CNTN3: variants seen among roughly 807,000 people sequenced by gnomAD.
CNTN3 encodes contactin 3.
A neutral mutation model predicts 119.1 loss-of-function variants in CNTN3; 60 were observed. That is an observed-to-expected ratio of 0.50 (90% confidence interval 0.41 to 0.62). The LOEUF (loss-of-function observed/expected upper bound fraction) is 0.62. CNTN3 is among the 20% of genes least tolerant of loss of function. The probability of loss-of-function intolerance (pLI) is 0.00; values close to 1 mark genes in which losing one functional copy is unlikely to be tolerated. For missense variants in CNTN3, 1,101 were observed against 1,242.4 expected (o/e 0.89, Z 1.71); for synonymous variants, 450 against 438.7 (o/e 1.03, Z -0.32).
At chr3:74,421,010 T>C (rs1391039378) in intron 5 of CNTN3, among the ~76,000 whole-genome samples, 1 of 152,150 alleles carries the variant, frequency 6.6e-6, no homozygotes, top group East Asian at 1.9e-4. Flanking sequence ...CAGGCTCAGC[T>C]TCCAGACTCT....
In CNTN3 at chr3:74,500,571, G is replaced by A. The variant is rs77665562; in HGVS notation, c.56-786C>T. 6.2e-3 allele frequency among the ~76,000 whole-genome samples: 927 copies of A among 149,944 alleles called. 12 individuals are homozygous for A. Among genetic ancestry groups the A allele is most frequent in the African/African-American group, 0.021 (861 of 40,944 alleles). ...TGGAATGCTCAGCAAAATTACAGAG[G>A]AGTTTCTATTAACTCAGAGAATGAA... On this transcript the variant is annotated intron_variant, in intron 2 of 22. Coordinates refer to ENST00000263665, the MANE Select transcript of CNTN3 (RefSeq NM_020872.3).
Position 74,353,556 on chromosome 3 carries a change from A to G in CNTN3, c.1364+8334T>C, listed in dbSNP as rs371320743. Among the ~76,000 whole-genome samples, 10 of 152,276 alleles carry G rather than the reference A, an allele frequency of 6.6e-5. No homozygotes were observed. The Middle Eastern group carries it at 0.014, about 207-fold the overall frequency. On this transcript the variant is annotated intron_variant, in intron 11 of 22. Transcript: ENST00000263665. ...TGGATCACGAGGTCAGGAGATCGAG[A>G]CCATCCCGGCTAACACGGTGAAACC... is the stretch of plus-strand genomic sequence containing the variant.
intron 1 of CNTN3, among the ~76,000 whole-genome samples, chr3:74,559,617 GA>G (rs55881426): frequency 0.86 from 127,546 of 149,134 alleles, 55,251 homozygotes; most frequent in East Asian, 0.93. Flanking sequence ...AAAAAGAAAA[GA>G]AAAAAAAAAA....
intron 1 of CNTN3, among the ~76,000 whole-genome samples, chr3:74,576,296 TG>T (rs1039412096): frequency 6.6e-6 from 1 of 152,194 alleles, no homozygotes; most frequent in African/African-American, 2.4e-5. Context: ...CACAGTCCCC[TG>T]AACTTGAGCG....
intron 1 of CNTN3, among the ~76,000 whole-genome samples, chr3:74,589,751 T>C (rs933096416): frequency 2.0e-5 from 3 of 151,194 alleles, no homozygotes; most frequent in East Asian, 1.9e-4. Flanking sequence ...ATGTGGCACA[T>C]ATACACCATG....
chr3:74,595,885 A>G (rs573320349), intron 1 of CNTN3, among the ~76,000 whole-genome samples: 2 of 152,284 alleles, frequency 1.3e-5, no homozygotes, highest in South Asian at 2.1e-4. Context: ...AATTAGGAAA[A>G]GAGGAAGTCA....
intron 4 of CNTN3, among the ~76,000 whole-genome samples, chr3:74,458,828 T>C (rs1702315331): frequency 6.6e-6 from 1 of 152,006 alleles, no homozygotes; most frequent in African/African-American, 2.4e-5. Context: ...TGTTTACATA[T>C]AAAATTAAGA....
intron 13 of CNTN3, among the ~76,000 whole-genome samples, chr3:74,329,088 C>T (rs1385920176): frequency 6.6e-6 from 1 of 152,154 alleles, no homozygotes; most frequent in Non-Finnish European, 1.5e-5. Flanking sequence ...TTAGTCTTCA[C>T]ACACAAATAA....
At chr3:74,377,140 C>T (rs1245658364) in intron 5 of CNTN3, among the ~76,000 whole-genome samples, 1 of 151,950 alleles carries the variant, frequency 6.6e-6, no homozygotes, top group Non-Finnish European at 1.5e-5. Flanking sequence ...ATCAAATTTG[C>T]ATTGAATAGA....
At chr3:74,291,525 A>C (rs1484239618) in intron 19 of CNTN3, among the ~76,000 whole-genome samples, 1 of 152,046 alleles carries the variant, frequency 6.6e-6, no homozygotes, top group Admixed American at 6.6e-5. Flanking sequence ...CAACAGTGTA[A>C]AAGTGTTCCT....
At position 74,533,901 on chromosome 3, in the gene CNTN3, C is replaced by G. The variant is rs1703726970; in HGVS notation, c.-80-12709G>C. Among the ~76,000 whole-genome samples the G allele has an allele frequency of 2.6e-5, 4 of 152,082 alleles. No individual in the cohort carries two copies. The South Asian group carries it at 8.3e-4, about 32-fold the overall frequency. On this transcript the variant is annotated intron_variant, in intron 1 of 22. Coordinates refer to ENST00000263665, the MANE Select transcript of CNTN3 (RefSeq NM_020872.3). The stretch of plus-strand genomic sequence containing the variant: ...GAGGGATACAGATGAGCTACTGGCA[C>G]CTAGGGGTTAGGGTTTAGTGATACC...
At chr3:74,293,337 G>A (rs891365693) in intron 19 of CNTN3, among the ~76,000 whole-genome samples, 1 of 152,082 alleles carries the variant, frequency 6.6e-6, no homozygotes, top group East Asian at 1.9e-4. Context: ...TTGTTTGGTT[G>A]CAAGGAACAG....
intron 11 of CNTN3, among the ~76,000 whole-genome samples, chr3:74,338,579 T>C (rs1373294212): frequency 1.3e-5 from 2 of 151,990 alleles, no homozygotes; most frequent in Non-Finnish European, 1.5e-5. Flanking sequence ...CTGCCACCCA[T>C]CACTTTATAT....
intron 5 of CNTN3, among the ~76,000 whole-genome samples, chr3:74,375,579 G>C (rs1165754481): frequency 1.3e-5 from 2 of 152,108 alleles, no homozygotes; most frequent in Non-Finnish European, 2.9e-5. Context: ...TTATAAGAGA[G>C]AGGCAGGAGG....
intron 1 of CNTN3, among the ~76,000 whole-genome samples, chr3:74,576,973 A>G (rs1301205902): frequency 4.6e-5 from 7 of 152,270 alleles, no homozygotes; most frequent in East Asian, 3.9e-4. Context: ...TTCTAAGGAG[A>G]GGCAGCAGTG....
At chr3:74,566,310 T>G (rs555152160) in intron 1 of CNTN3, among the ~76,000 whole-genome samples, 1 of 152,164 alleles carries the variant, frequency 6.6e-6, no homozygotes, top group African/African-American at 2.4e-5. Flanking sequence ...CAGGCCACCT[T>G]CGCTTTGAAG....
At chr3:74,491,764 T>C (rs1290403037) in intron 3 of CNTN3, among the ~76,000 whole-genome samples, 2 of 152,316 alleles carry the variant, frequency 1.3e-5, no homozygotes, top group South Asian at 2.1e-4. Flanking sequence ...TGCATATTCA[T>C]AATTCTTTGT....
intron 5 of CNTN3, among the ~76,000 whole-genome samples, chr3:74,404,940 A>G (rs993315826): frequency 1.3e-5 from 2 of 151,966 alleles, no homozygotes; most frequent in African/African-American, 4.8e-5. Flanking sequence ...AATCCATCAC[A>G]TTTTTCACTT....
intron 2 of CNTN3, among the ~76,000 whole-genome samples, chr3:74,504,404 A>C (rs1703216341): frequency 6.6e-6 from 1 of 152,162 alleles, no homozygotes; most frequent in Non-Finnish European, 1.5e-5. Context: ...GCCGCCAATG[A>C]AATAAGATCT....
Sources: gnomAD v4.1 joint callset for allele counts (sites outside exome capture counted in the v4.1 genomes callset) on GRCh38, gnomAD v4.1.1 for gene constraint, MANE v1.5 for transcripts, NCBI Gene and HGNC (gene_info 2026-07-23, HGNC 2026-07-21) for gene names.